Variants in LYST observed in about 807,000 individuals in gnomAD.
The protein encoded by LYST is lysosomal trafficking regulator, also known as lysosomal-trafficking regulator.
Under a neutral mutation model 413.6 loss-of-function variants are expected in LYST, and 192 were observed. The ratio of observed to expected loss-of-function variants is 0.46; its 90% CI spans 0.41 to 0.52. The LOEUF is 0.52. Ranked by LOEUF, LYST falls within the 20% of genes least tolerant of loss-of-function variation. The probability of loss-of-function intolerance (pLI) is 0.00; values close to 1 mark genes in which losing one functional copy is unlikely to be tolerated. For synonymous variants in LYST, 1,525 were observed against 1,567.3 expected (o/e 0.97, Z 0.64); for missense variants, 3,815 against 4,499.9 (o/e 0.85, Z 4.35).
At chr1:235,810,671 C>T in intron 4 of LYST, 137 bp from the exon 5 acceptor site, 1 of 748,938 alleles carries the variant, frequency 1.3e-6, no homozygotes, top group Non-Finnish European at 2.2e-6. Context: ...GGCTGATTTC[C>T]TTCATTTATG....
At chr1:235,752,749 G>A (rs914657863) in intron 26 of LYST, among the ~76,000 whole-genome samples, 7 of 151,974 alleles carry the variant, frequency 4.6e-5, no homozygotes, top group African/African-American at 1.2e-4. Flanking sequence ...CTCAATGTAC[G>A]ATATTAGGCC....
chr1:235,694,678 T>C (rs1330039046), intron 46 of LYST, among the ~76,000 whole-genome samples: 1 of 152,168 alleles, frequency 6.6e-6, no homozygotes. Context: ...AATTGGAATA[T>C]ACTCACTAAA....
At chr1:235,765,985 G>C in intron 21 of LYST, 94 bp downstream of exon 21, 1 of 944,106 alleles carries the variant, frequency 1.1e-6, no homozygotes, top group Non-Finnish European at 1.7e-6. Context: ...GAGCAGCACA[G>C]AGGCCATTCA....
intron 49 of LYST, 144 bp from the exon 50 acceptor site, chr1:235,677,332 T>C: frequency 9.3e-7 from 1 of 1,074,698 alleles, no homozygotes; most frequent in Non-Finnish European, 1.4e-6. Context: ...TTCAATAAAA[T>C]ATAATAGGTA....
At position 235,766,575 on chromosome 1, in the gene LYST, G is replaced by C. The variant is rs76094261; in HGVS notation, c.5923-298C>G. Among the ~76,000 whole-genome samples the C allele has an allele frequency of 7.8e-3, 1,192 of 152,170 alleles. 20 individuals are homozygous for C. Among genetic ancestry groups the C allele is most frequent in the African/African-American group, 0.027 (1,111 of 41,538 alleles). The stretch of plus-strand genomic sequence containing the variant: ...GTGGTCTCAAAAGCCAGACTTCCTA[G>C]GTTTGCATTCTGGTTTCTCCACTCA... On this transcript the variant is annotated intron_variant, in intron 20 of 52. Transcript: ENST00000389793.
chr1:235,844,754 G>A (rs1677597077), intron 1 of LYST, among the ~76,000 whole-genome samples: 1 of 147,914 alleles, frequency 6.8e-6, no homozygotes, highest in Non-Finnish European at 1.5e-5. Context: ...CTGGTGGGGG[G>A]AAGGGGACCA....
chr1:235,748,678 T>C (rs962260579), intron 28 of LYST, among the ~76,000 whole-genome samples: 13 of 152,214 alleles, frequency 8.5e-5, no homozygotes, highest in Admixed American at 4.6e-4. Context: ...TTGGAACTGC[T>C]GAGCAGAAGA....
intron 22 of LYST, among the ~76,000 whole-genome samples, chr1:235,760,246 A>G (rs1355773903): frequency 6.6e-6 from 1 of 152,186 alleles, no homozygotes; most frequent in East Asian, 1.9e-4. Context: ...AGGGTTCAGA[A>G]TATCTACTTT....
At chr1:235,710,707 T>A (rs74148753) in intron 43 of LYST, among the ~76,000 whole-genome samples, 1 of 152,160 alleles carries the variant, frequency 6.6e-6, no homozygotes, top group Admixed American at 6.5e-5. Context: ...GGGAAGACAC[T>A]TGTGACTGCC....
At chr1:235,731,664 T>G (rs952490941) in intron 34 of LYST, among the ~76,000 whole-genome samples, 1 of 151,626 alleles carries the variant, frequency 6.6e-6, no homozygotes, top group Non-Finnish European at 1.5e-5. Context: ...GCTCAAGCGA[T>G]TCTCCTGCCT....
In LYST at chr1:235,862,806, AACACACACACACACACACAC is replaced by A. The variant is rs57043954; in HGVS notation, c.-98+4017_-98+4036del. Among the ~76,000 whole-genome samples, 44 of 121,536 alleles carry A rather than the reference AACACACACACACACACACAC, an allele frequency of 3.6e-4. No individual in the cohort carries two copies. In the South Asian group the frequency reaches 0.01, roughly 28 times the overall value. The allele number at this position is 121,536 out of a possible 152,430, so 79.7% of individuals were successfully genotyped here. A position where few individuals can be genotyped will look rare whatever the true frequency, so the allele number is the denominator to read the frequency against. ...GCAAGTCTCCATCTCAAAACAAACA[AACACACACACACACACACAC>A]ACACACACACACACACACACACCCC... On this transcript the variant is annotated intron_variant, in intron 1 of 52. Coordinates refer to ENST00000389793, the MANE Select transcript of LYST (RefSeq NM_000081.4).
At chr1:235,797,756 A>G (rs1671706893) in intron 10 of LYST, among the ~76,000 whole-genome samples, 1 of 152,164 alleles carries the variant, frequency 6.6e-6, no homozygotes, top group African/African-American at 2.4e-5. Context: ...ACAGCAAACT[A>G]AATAAAAAAA....
At chr1:235,693,134 T>C (rs769308411) in intron 47 of LYST, among the ~76,000 whole-genome samples, 25 of 152,056 alleles carry the variant, frequency 1.6e-4, no homozygotes, top group Admixed American at 4.6e-4. Flanking sequence ...GCTAACACGA[T>C]GAAATCCCGT....
In LYST at chr1:235,755,428, G is replaced by GAAAAGAAAAGAAAAGAA. The variant is rs762430643; in HGVS notation, c.7229+49_7229+50insTTCTTTTCTTTTCTTTT. ...GAAAAGAAAAGAAAAGAAAAGAAAA[G>GAAAAGAAAAGAAAAGAA]AAAAAAGACAAAAGATTCCCAATTA... On this transcript the variant is annotated intron_variant, in intron 25 of 52. Coordinates refer to ENST00000389793, the MANE Select transcript of LYST (RefSeq NM_000081.4). 1.1e-5 allele frequency: 14 copies of GAAAAGAAAAGAAAAGAA among 1,228,232 alleles called. No homozygotes were observed. In the African/African-American group the frequency reaches 1.9e-4, roughly 16 times the overall value. 76.1% of individuals were successfully genotyped at this position (1,228,232 alleles called of 1,614,324 possible).
chr1:235,712,685 CT>C (rs879874531), intron 42 of LYST: 17 of 984,416 alleles, frequency 1.7e-5, no homozygotes, highest in East Asian at 2.3e-4. Context: ...TTCTTTCTTT[CT>C]TTTTTTTCGG....
At position 235,806,320 on chromosome 1, in the gene LYST, T is replaced by C. The variant is rs1672827994; in HGVS notation, c.2816A>G (p.His939Arg). 1.9e-6 allele frequency: 3 copies of C among 1,613,896 alleles called. No homozygotes were observed. The highest frequency in any genetic ancestry group is 1.7e-6 in the Non-Finnish European group (2 of 1,179,978). ...CTCGAGAGATATACATGGCAGCATATGACTTAAAGGCTCGCTGGCTGTGCT... is the reference window on the plus strand; with the variant it reads ...CTCGAGAGATATACATGGCAGCATACGACTTAAAGGCTCGCTGGCTGTGCT... Reference protein sequence around the residue: ...YDSTASEPLSHMLPCISLESL... With the variant: ...YDSTASEPLSRMLPCISLESL... Residue 939 changes from histidine (H) to arginine (R), a missense_variant, in exon 6 of 53, where the codon CAT becomes CGT. Around this residue, in one of 4 missense-constraint regions of LYST, gnomAD observed 1,648 missense variants for 1,810.3 expected, o/e 0.91. Coordinates refer to ENST00000389793, the MANE Select transcript of LYST (RefSeq NM_000081.4).
At chr1:235,798,578 TAAAAAAAAAAAAAAAAAAAAAAAA>T (rs71174462) in intron 10 of LYST, among the ~76,000 whole-genome samples, 5 of 81,714 alleles carry the variant, frequency 6.1e-5, no homozygotes, top group East Asian at 5.5e-4. Context: ...AACCCTGTCA[TAAAAAAAAAAAAAAAAAAAAAAAA>T]AAAAAAAAAA....
At chr1:235,700,153 T>C (rs1661427230) in intron 45 of LYST, among the ~76,000 whole-genome samples, 1 of 152,020 alleles carries the variant, frequency 6.6e-6, no homozygotes, top group Non-Finnish European at 1.5e-5. Context: ...ATCTAGGCAA[T>C]ACCATTCAGG....
chr1:235,690,862 C>T (rs75395179), intron 47 of LYST, among the ~76,000 whole-genome samples: 2,394 of 151,500 alleles, frequency 0.016, 60 homozygotes, highest in African/African-American at 0.054. Flanking sequence ...CAGTCTGGAA[C>T]GGTTGCAGCA....
Sources: gnomAD v4.1 joint callset for allele counts (sites outside exome capture counted in the v4.1 genomes callset) on GRCh38, gnomAD v4.1.1 for gene constraint, gnomAD v4.1.1 regional missense constraint, MANE v1.5 for transcripts, NCBI Gene and HGNC (gene_info 2026-07-23, HGNC 2026-07-21) for gene names.